The following GTF2IRD1 variants were observed in gnomAD, a reference collection of about 807,000 sequenced individuals.
GTF2IRD1 encodes general transcription factor II-I repeat domain-containing protein 1.
Under a neutral mutation model 113.2 loss-of-function variants are expected in GTF2IRD1, and 26 were observed. The ratio of observed to expected loss-of-function variants is 0.23; its 90% CI spans 0.17 to 0.32. GTF2IRD1 has a LOEUF of 0.32. Ranked by LOEUF, GTF2IRD1 falls within the 10% of genes least tolerant of loss-of-function variation. The pLI is 1.00. For synonymous variants in GTF2IRD1, 484 were observed against 529.1 expected, an observed-to-expected ratio of 0.91 and a Z score of 1.17; for missense variants, 864 against 1,280.8, an observed-to-expected ratio of 0.67 and a Z score of 4.97.
chr7:74,528,985 G>GGATGGATA lies in GTF2IRD1; in HGVS notation c.1091-746_1091-745insGGATAGAT, dbSNP rs1240561988. Among the ~76,000 whole-genome samples, 486 of 148,938 alleles carry GGATGGATA rather than the reference G, an allele frequency of 3.3e-3. 5 individuals carry two copies. The highest frequency in any genetic ancestry group is 0.011 in the African/African-American group (446 of 39,076). ...TGGATGGATGGATGGATGGATGGAT[G>GGATGGATA]GATAGACGGATGGATGGATGGATGG... On this transcript the variant is annotated intron_variant, in intron 8 of 26. Coordinates refer to ENST00000424337, the MANE Select transcript of GTF2IRD1 (RefSeq NM_005685.4).
At chr7:74,519,796 A>G in intron 6 of GTF2IRD1, 77 bp downstream of exon 6, 1 of 1,063,032 alleles carries the variant, frequency 9.4e-7, no homozygotes. Flanking sequence ...CTCCCAGGGC[A>G]GGTCAGGATG....
intron 14 of GTF2IRD1, 112 bp downstream of exon 14, chr7:74,540,080 T>A: frequency 2.7e-6 from 2 of 727,306 alleles, no homozygotes; most frequent in Non-Finnish European, 4.8e-6. Context: ...CCGTCTGTAG[T>A]AGAGGAAACC....
At chr7:74,464,033 C>T (rs1793559615) in intron 1 of GTF2IRD1, among the ~76,000 whole-genome samples, 2 of 152,052 alleles carry the variant, frequency 1.3e-5, no homozygotes, top group South Asian at 2.1e-4. Flanking sequence ...CCTAGGACCA[C>T]TTTTACCAGA....
At chr7:74,580,584 C>T (rs1360856701) in intron 22 of GTF2IRD1, among the ~76,000 whole-genome samples, 1 of 151,646 alleles carries the variant, frequency 6.6e-6, no homozygotes, top group Non-Finnish European at 1.5e-5. Context: ...TTTTTTTTCC[C>T]CCTTGGCAAA....
chr7:74,533,240 T>C lies in GTF2IRD1; in HGVS notation c.1275-1873T>C, dbSNP rs191294853. 8.2e-3 allele frequency among the ~76,000 whole-genome samples: 1,238 copies of C among 150,824 alleles called. 10 individuals are homozygous for C. The highest frequency in any genetic ancestry group is 0.014 in the Non-Finnish European group (965 of 67,688). On this transcript the variant is annotated intron_variant, in intron 9 of 26. Coordinates refer to ENST00000424337, the MANE Select transcript of GTF2IRD1 (RefSeq NM_005685.4). ...ACCTCCGCCTCTCAGGTTCAAGCAA[T>C]TCTCCTGCCTCCGCCTCCCAAGTAG...
chr7:74,490,365 A>G (rs1554336442), intron 1 of GTF2IRD1, among the ~76,000 whole-genome samples: 1 of 152,056 alleles, frequency 6.6e-6, no homozygotes, highest in Admixed American at 6.6e-5. Context: ...TGGCCTGAGC[A>G]GATACGAATG....
intron 2 of GTF2IRD1, among the ~76,000 whole-genome samples, chr7:74,510,747 A>C (rs1437676184): frequency 6.6e-6 from 1 of 152,162 alleles, no homozygotes; most frequent in Non-Finnish European, 1.5e-5. Context: ...TTTCATAGTC[A>C]TAGAAAGTTA....
chr7:74,529,134 G>A (rs1554348044), intron 8 of GTF2IRD1, among the ~76,000 whole-genome samples: 1 of 152,138 alleles, frequency 6.6e-6, no homozygotes, highest in Non-Finnish European at 1.5e-5. Context: ...AAGCACCAAG[G>A]GGGCGGCAGG....
chr7:74,456,933 C>A (rs1353482267), intron 1 of GTF2IRD1, among the ~76,000 whole-genome samples: 8 of 152,092 alleles, frequency 5.3e-5, no homozygotes, highest in African/African-American at 1.9e-4. Flanking sequence ...CTGAAGACTT[C>A]CTCGTCCTCA....
intron 22 of GTF2IRD1, among the ~76,000 whole-genome samples, chr7:74,575,381 A>G (rs1300163966): frequency 6.6e-6 from 1 of 152,200 alleles, no homozygotes; most frequent in East Asian, 1.9e-4. Flanking sequence ...GGAGATGGAC[A>G]GGGAAGATGG....
At chr7:74,495,510 G>A (rs1032934882) in intron 1 of GTF2IRD1, among the ~76,000 whole-genome samples, 1 of 152,100 alleles carries the variant, frequency 6.6e-6, no homozygotes, top group Admixed American at 6.6e-5. Context: ...TTGCATCAAC[G>A]GCCCCTCTCT....
intron 15 of GTF2IRD1, among the ~76,000 whole-genome samples, chr7:74,545,278 G>C (rs1193217618): frequency 7.9e-5 from 12 of 152,046 alleles, no homozygotes; most frequent in Non-Finnish European, 1.3e-4. Flanking sequence ...TTTCATCTCT[G>C]TAGTATCCTG....
At position 74,520,089 on chromosome 7, in the gene GTF2IRD1, CAAAAAAAAAAAAA is replaced by C. The variant is rs61019711; in HGVS notation, c.916+388_916+400del. Among the ~76,000 whole-genome samples, 56 of 24,590 alleles carry C rather than the reference CAAAAAAAAAAAAA, an allele frequency of 2.3e-3. 1 individual carries two copies. The highest frequency in any genetic ancestry group is 0.01 in the East Asian group (6 of 582). The allele number at this position is 24,590 out of a possible 152,430, so 16.1% of individuals were successfully genotyped here. ...CCTGGGTGACAGCACAGCTCTGTCT[CAAAAAAAAAAAAA>C]AAAAAAAAAAAAAAAAAGCACCAGC... On this transcript the variant is annotated intron_variant, in intron 6 of 26. Coordinates refer to ENST00000424337, the MANE Select transcript of GTF2IRD1 (RefSeq NM_005685.4).
At chr7:74,593,658 G>T (rs1417010143) in intron 24 of GTF2IRD1, among the ~76,000 whole-genome samples, 2 of 150,012 alleles carry the variant, frequency 1.3e-5, no homozygotes, top group African/African-American at 4.9e-5. Flanking sequence ...GCATGAACCT[G>T]GGAGGCGGAG....
chr7:74,457,878 T>G (rs1288536571), intron 1 of GTF2IRD1, among the ~76,000 whole-genome samples: 6 of 124,240 alleles, frequency 4.8e-5, no homozygotes, highest in East Asian at 4.3e-4. Context: ...TACGTTTTTG[T>G]TTTTTTTTTT....
rs1378322538 is a variant in GTF2IRD1, at chr7:74,515,216, G to A, written c.266-225G>A. The A allele has an allele frequency of 5.1e-6, 4 of 791,526 alleles. No individual in the cohort carries two copies. In the Admixed American group the frequency reaches 6.8e-5, roughly 13 times the overall value. The allele number at this position is 791,526 out of a possible 1,614,324, so 49.0% of individuals were successfully genotyped here. A position where few individuals can be genotyped will look rare whatever the true frequency, so the allele number is the denominator to read the frequency against. On this transcript the variant is annotated intron_variant, in intron 3 of 26. Coordinates refer to ENST00000424337, the MANE Select transcript of GTF2IRD1 (RefSeq NM_005685.4). ...TCACACAGCAAATTAGAGGTGACCA[G>A]AGGTGAGGCCCAGCCCTGGGAACTC...
chr7:74,524,409 G>A (rs149434549), intron 8 of GTF2IRD1, among the ~76,000 whole-genome samples: 27 of 152,226 alleles, frequency 1.8e-4, no homozygotes, highest in African/African-American at 5.8e-4. Context: ...GGCGGGGAGC[G>A]GGACAGGTTG....
intron 22 of GTF2IRD1, among the ~76,000 whole-genome samples, chr7:74,568,172 G>C (rs1167878621): frequency 6.6e-6 from 1 of 151,784 alleles, no homozygotes; most frequent in Non-Finnish European, 1.5e-5. Flanking sequence ...GGAGAGGAAG[G>C]AGGATGGGGG....
At chr7:74,482,612 A>G (rs1167798822) in intron 1 of GTF2IRD1, among the ~76,000 whole-genome samples, 12 of 152,144 alleles carry the variant, frequency 7.9e-5, no homozygotes, top group Non-Finnish European at 1.3e-4. Flanking sequence ...CTACCCAGGT[A>G]ACCAGCACCC....
Sources: gnomAD v4.1 joint callset for allele counts (sites outside exome capture counted in the v4.1 genomes callset) on GRCh38, gnomAD v4.1.1 for gene constraint, MANE v1.5 for transcripts, NCBI Gene and HGNC (gene_info 2026-07-23, HGNC 2026-07-21) for gene names.